MYO5B: variants seen among roughly 807,000 people sequenced by gnomAD.
MYO5B encodes the protein myosin VB, also known as unconventional myosin-Vb.
Under a neutral mutation model 229.3 loss-of-function variants are expected in MYO5B, and 143 were observed. That is an observed-to-expected ratio of 0.62 (90% CI 0.54 to 0.72). The LOEUF (loss-of-function observed/expected upper bound fraction) is 0.72. MYO5B is among the 30% of genes least tolerant of loss of function. The pLI, the probability that MYO5B is intolerant of heterozygous loss-of-function variation, is 0.00. For missense variants in MYO5B, 2,321 were observed against 2,331.0 expected (o/e 1.00, Z 0.09); for synonymous variants, 918 against 885.2 (o/e 1.04, Z -0.66).
intron 4 of MYO5B, among the ~76,000 whole-genome samples, chr18:50,007,543 C>T (rs1033881153): frequency 6.6e-6 from 1 of 152,154 alleles, no homozygotes; most frequent in African/African-American, 2.4e-5. Flanking sequence ...AAATAACACC[C>T]ACATCTACTG....
At chr18:49,871,782 T>C in intron 27 of MYO5B, 1 of 312,446 alleles carries the variant, frequency 3.2e-6, no homozygotes, top group East Asian at 7.9e-5. Context: ...TTTCTGTGCA[T>C]TCCTCCCTGC....
intron 39 of MYO5B, among the ~76,000 whole-genome samples, chr18:49,828,933 A>G (rs59029491): frequency 0.074 from 11,228 of 152,056 alleles, 901 homozygotes; most frequent in East Asian, 0.29. Context: ...TCTCAAATCA[A>G]TAACCTAACT....
intron 1 of MYO5B, among the ~76,000 whole-genome samples, chr18:50,166,952 C>T (rs1407997864): frequency 6.6e-6 from 1 of 152,162 alleles, no homozygotes; most frequent in Non-Finnish European, 1.5e-5. Context: ...ATCTTGAATG[C>T]ACATACTGAA....
intron 17 of MYO5B, 77 bp from the exon 18 acceptor site, chr18:49,912,250 A>T (rs1418218994): frequency 2.9e-6 from 3 of 1,049,090 alleles, no homozygotes; most frequent in South Asian, 1.3e-5. Context: ...GACCTCAGAC[A>T]GTTCCCTATG....
intron 9 of MYO5B, among the ~76,000 whole-genome samples, chr18:49,975,405 T>C (rs1259884824): frequency 6.6e-6 from 1 of 152,218 alleles, no homozygotes; most frequent in Admixed American, 6.5e-5. Context: ...GTGGTTCAGA[T>C]GTGCTGGGTG....
chr18:49,960,684 C>T (rs776940453), intron 12 of MYO5B, among the ~76,000 whole-genome samples: 1 of 152,164 alleles, frequency 6.6e-6, no homozygotes, highest in Non-Finnish European at 1.5e-5. Flanking sequence ...GTCTTATTCC[C>T]TAATGTGGTG....
chr18:50,070,578 A>C (rs76292595), intron 1 of MYO5B, among the ~76,000 whole-genome samples: 1 of 152,174 alleles, frequency 6.6e-6, no homozygotes, highest in South Asian at 2.1e-4. Context: ...CCTTGACAAC[A>C]AAAAATTATC....
At position 49,862,107 on chromosome 18, in the gene MYO5B, C is replaced by T. The variant is rs1056225335; in HGVS notation, c.3944+1120G>A. ...CCGCCTCCTGGGTTCAAGCAATTCT[C>T]CTGCCTCAGCCTCCTGAGTAGCTGG... is the stretch of plus-strand genomic sequence containing the variant. On this transcript the variant is annotated intron_variant, in intron 29 of 39. Coordinates refer to ENST00000285039, the MANE Select transcript of MYO5B (RefSeq NM_001080467.3). Among the ~76,000 whole-genome samples the T allele has an allele frequency of 3.3e-5, 5 of 150,928 alleles. No individual in the cohort carries two copies. The South Asian group carries it at 1.1e-3, about 32-fold the overall frequency.
intron 14 of MYO5B, among the ~76,000 whole-genome samples, chr18:49,949,801 A>C (rs1787587): frequency 0.59 from 89,194 of 152,058 alleles, 26,682 homozygotes; most frequent in Middle Eastern, 0.73. Flanking sequence ...TGACATAGAA[A>C]CTTGTATCTT....
chr18:49,912,940 A>C (rs962388355), intron 17 of MYO5B, among the ~76,000 whole-genome samples: 1 of 152,252 alleles, frequency 6.6e-6, no homozygotes, highest in Non-Finnish European at 1.5e-5. Context: ...AAATGCAGAA[A>C]TATGTACATT....
intron 1 of MYO5B, among the ~76,000 whole-genome samples, chr18:50,134,551 T>C (rs2144276180): frequency 8.0e-6 from 1 of 125,644 alleles, no homozygotes; most frequent in African/African-American, 3.0e-5. Flanking sequence ...TGAGACTCCA[T>C]CTCAATAAAT....
At chr18:50,106,654 C>A (rs927779109) in intron 1 of MYO5B, among the ~76,000 whole-genome samples, 6 of 152,198 alleles carry the variant, frequency 3.9e-5, no homozygotes, top group African/African-American at 1.4e-4. Flanking sequence ...GATGTCACTT[C>A]CCCCAGGAAG....
chr18:49,949,852 A>G (rs893616356), intron 14 of MYO5B, among the ~76,000 whole-genome samples: 2 of 152,212 alleles, frequency 1.3e-5, no homozygotes, highest in Non-Finnish European at 2.9e-5. Context: ...TTAGAAACAT[A>G]TGCCTCATAG....
At chr18:50,172,072 T>G (rs112189895) in intron 1 of MYO5B, among the ~76,000 whole-genome samples, 2 of 152,006 alleles carry the variant, frequency 1.3e-5, no homozygotes, top group African/African-American at 4.8e-5. Context: ...CAGAACTCCA[T>G]GAGTTTGAGA....
In MYO5B at chr18:49,980,501, C is replaced by T. The variant is rs1226950106; in HGVS notation, c.999G>A (p.Leu333=). 4 of 1,613,844 alleles carry T rather than the reference C, an allele frequency of 2.5e-6. No homozygotes were observed. Among genetic ancestry groups the T allele is most frequent in the Non-Finnish European group, 3.4e-6 (4 of 1,179,946 alleles). Residue 333 remains leucine, a synonymous_variant, in exon 9 of 40, where the codon TTG becomes TTA. Transcript: ENST00000285039. Reference sequence around the variant, plus strand: ...CCTGAATCGCCACACTTCCAAGGTGCAAGATAGAAGCAATTATCTTAAAAA... The same window carrying T: ...CCTGAATCGCCACACTTCCAAGGTGTAAGATAGAAGCAATTATCTTAAAAA... ...MSIFKIIASI[L]HLGSVAIQAE...
intron 1 of MYO5B, among the ~76,000 whole-genome samples, chr18:50,154,217 G>A (rs1034357760): frequency 2.0e-5 from 3 of 151,998 alleles, no homozygotes; most frequent in African/African-American, 7.3e-5. Flanking sequence ...AGGCAAGGAG[G>A]GACTTTCACT....
At position 50,118,626 on chromosome 18, in the gene MYO5B, C is replaced by CTTT. The variant is rs11429821; in HGVS notation, c.28-63251_28-63249dup. ...GTATACATGTGCCATGTTGGCATTT[C>CTTT]TTTTTTTTTTTTTTTTGAGACGGAG... On this transcript the variant is annotated intron_variant, in intron 1 of 39. Coordinates refer to ENST00000285039, the MANE Select transcript of MYO5B (RefSeq NM_001080467.3). Among the ~76,000 whole-genome samples, 19 of 138,010 alleles carry CTTT rather than the reference C, an allele frequency of 1.4e-4. 1 individual carries two copies. The highest frequency in any genetic ancestry group is 4.6e-4 in the South Asian group (2 of 4,360). The allele number at this position is 138,010 out of a possible 152,430, so 90.5% of individuals were successfully genotyped here.
At chr18:49,943,279 C>T (rs971853377) in intron 14 of MYO5B, among the ~76,000 whole-genome samples, 2 of 151,532 alleles carry the variant, frequency 1.3e-5, no homozygotes, top group Non-Finnish European at 2.9e-5. Flanking sequence ...TGACGAGTTA[C>T]TGGGTGCAGC....
At chr18:49,965,775 T>C (rs1466459092) in intron 10 of MYO5B, among the ~76,000 whole-genome samples, 1 of 152,052 alleles carries the variant, frequency 6.6e-6, no homozygotes. Context: ...AGGAGAAGTT[T>C]CATGAAAAAG....
Sources: allele counts gnomAD v4.1 joint callset (sites outside exome capture counted in the v4.1 genomes callset), GRCh38; gene constraint gnomAD v4.1.1; transcripts MANE v1.5; gene names NCBI Gene and HGNC (gene_info 2026-07-23, HGNC 2026-07-21).